The following MAOA variants were observed in gnomAD, a reference collection of about 807,000 sequenced individuals.
The protein encoded by MAOA is monoamine oxidase A.
A neutral mutation model predicts 42.0 loss-of-function variants in MAOA; 6 were observed. The observed-to-expected ratio is 0.14, with a 90% confidence interval of 0.08 to 0.28. MAOA has a LOEUF of 0.28. Ranked by LOEUF, MAOA falls within the 10% of genes least tolerant of loss-of-function variation. MAOA has a pLI of 1.00. For missense variants in MAOA, 262 were observed against 422.3 expected, an observed-to-expected ratio of 0.62 and a Z score of 3.33; for synonymous variants, 140 against 154.0, an observed-to-expected ratio of 0.91 and a Z score of 0.67.
intron 3 of MAOA, among the ~76,000 whole-genome samples, chrX:43,696,525 C>T (rs1205221872): frequency 2.7e-5 from 3 of 111,277 alleles, no homozygotes; most frequent in Non-Finnish European, 3.8e-5. Context: ...GTCAGGAGAT[C>T]GAGACCATCC....
intron 10 of MAOA, 95 bp from the exon 11 acceptor site, chrX:43,740,586 T>C (rs370058870): frequency 1.2e-4 from 90 of 730,543 alleles, no homozygotes; most frequent in Non-Finnish European, 1.6e-4. Context: ...ATCTGGTTGA[T>C]ACCAAGAGCT....
upstream of MAOA, chrX:43,656,086 G>C (rs2033176082): frequency 2.4e-6 from 1 of 408,663 alleles, no homozygotes; most frequent in Admixed American, 4.2e-5. Flanking sequence ...CTCGCCGAGT[G>C]TCAGTACAAG....
chrX:43,715,823 A>G (rs899311594), intron 5 of MAOA, among the ~76,000 whole-genome samples: 7 of 110,546 alleles, frequency 6.3e-5, no homozygotes, highest in African/African-American at 2.3e-4. Flanking sequence ...AGGGCATGTT[A>G]CTTCTCAGGG....
intron 2 of MAOA, among the ~76,000 whole-genome samples, chrX:43,692,000 GACACACACACAC>G (rs753022851): frequency 3.1e-5 from 2 of 65,011 alleles, no homozygotes; most frequent in East Asian, 4.2e-4. Context: ...GCACTGTATA[GACACACACACAC>G]ACACACACAC....
intron 1 of MAOA, among the ~76,000 whole-genome samples, chrX:43,676,500 A>G (rs1482273109): frequency 1.8e-5 from 2 of 111,538 alleles, no homozygotes; most frequent in Non-Finnish European, 3.8e-5. Context: ...AACCCAGTAC[A>G]TCAGATGGAA....
At chrX:43,728,455 GA>G (rs889910239) in intron 6 of MAOA, 141 bp downstream of exon 6, 43 of 690,475 alleles carry the variant, frequency 6.2e-5, no homozygotes, top group Non-Finnish European at 8.0e-5. Flanking sequence ...AAGATTTTCT[GA>G]AAAAAAAATT....
chrX:43,702,025 G>A (rs1252668935), intron 3 of MAOA, among the ~76,000 whole-genome samples: 1 of 112,030 alleles, frequency 8.9e-6, no homozygotes, highest in Non-Finnish European at 1.9e-5. Flanking sequence ...TTGCAAAGTA[G>A]CCTTCTAACA....
intron 5 of MAOA, among the ~76,000 whole-genome samples, chrX:43,715,409 G>A (rs2033734789): frequency 2.7e-5 from 3 of 110,977 alleles, no homozygotes; most frequent in African/African-American, 9.8e-5. Context: ...CAGGGAAGAT[G>A]GGCTTGTTTG....
intron 5 of MAOA, among the ~76,000 whole-genome samples, chrX:43,716,309 A>C (rs2033743688): frequency 9.2e-6 from 1 of 108,749 alleles, no homozygotes; most frequent in Non-Finnish European, 1.9e-5. Context: ...GGTAGATATA[A>C]AGGATGGATG....
intron 1 of MAOA, among the ~76,000 whole-genome samples, chrX:43,679,615 C>G (rs1410696060): frequency 9.0e-6 from 1 of 111,144 alleles, no homozygotes; most frequent in Non-Finnish European, 1.9e-5. Context: ...CCCCACCGCT[C>G]CATCCCCTTA....
chrX:43,693,659 C>A (rs1212997168), intron 3 of MAOA, among the ~76,000 whole-genome samples: 2 of 110,799 alleles, frequency 1.8e-5, no homozygotes, highest in Non-Finnish European at 3.8e-5. Context: ...GACCTTCCTC[C>A]CTGTCACCCT....
At chrX:43,734,399 G>A (rs2033905769) in intron 9 of MAOA, among the ~76,000 whole-genome samples, 1 of 111,051 alleles carries the variant, frequency 9.0e-6, no homozygotes. Context: ...ATTGGTTGTG[G>A]GTGCAAGTTT....
intron 12 of MAOA, among the ~76,000 whole-genome samples, chrX:43,742,259 G>A (rs2033965892): frequency 1.8e-5 from 2 of 112,562 alleles, no homozygotes; most frequent in Non-Finnish European, 3.8e-5. Context: ...GCAGAACAGT[G>A]GGGAGGATTT....
intron 9 of MAOA, among the ~76,000 whole-genome samples, chrX:43,734,132 C>CTTTTTT (rs745875170): frequency 3.2e-5 from 2 of 62,434 alleles, no homozygotes; most frequent in Non-Finnish European, 6.6e-5. Context: ...TTTGGGCTTT[C>CTTTTTT]TTTTTTTTTT....
chrX:43,712,861 T>C (rs1844377148), intron 5 of MAOA, 65 bp downstream of exon 5: 2 of 780,679 alleles, frequency 2.6e-6, no homozygotes, highest in African/African-American at 4.1e-5. Flanking sequence ...ATATCTTGCC[T>C]TGAACTGCAG....
At chrX:43,715,739 G>A (rs137942490) in intron 5 of MAOA, among the ~76,000 whole-genome samples, 20 of 110,557 alleles carry the variant, frequency 1.8e-4, no homozygotes, top group African/African-American at 5.9e-4. Context: ...AAAGGGTGGG[G>A]ATAGTATCTT....
intron 3 of MAOA, among the ~76,000 whole-genome samples, 177 bp from the exon 4 acceptor site, chrX:43,711,695 T>C (rs1371627125): frequency 1.8e-5 from 2 of 112,099 alleles, no homozygotes; most frequent in African/African-American, 6.5e-5. Context: ...TTTTATTAAA[T>C]TGGGGCCTGT....
In MAOA at chrX:43,728,183, C is replaced by T. The variant is rs1390855194; in HGVS notation, c.514C>T (p.Arg172Trp). The change falls in exon 6 of 15, where the codon CGG (arginine) becomes TGG (tryptophan). Residue 172 changes from arginine (R) to tryptophan (W), a missense_variant. Physicochemically the swap from Arg to Trp is moderately radical, Grantham distance 101. This residue lies in a region of MAOA where 141 missense variants were observed against 195.6 expected (regional missense o/e 0.72). Transcript: ENST00000338702. ...TTGTTCTATGAACAGGACTGCTAGG[C>T]GGTTTGCTTATCTTTTTGTGAATAT... ...DKICWTKTARRFAYLFVNINV... is the reference protein window; with the variant it reads ...DKICWTKTARWFAYLFVNINV... 6 of 1,210,120 alleles carry T rather than the reference C, an allele frequency of 5.0e-6. No homozygotes were observed. The highest frequency in any genetic ancestry group is 1.8e-5 in the South Asian group (1 of 56,904).
intron 1 of MAOA, among the ~76,000 whole-genome samples, chrX:43,661,805 C>T (rs1378663868): frequency 9.0e-6 from 1 of 111,094 alleles, no homozygotes; most frequent in African/African-American, 3.3e-5. Flanking sequence ...CGTAGAAAGA[C>T]CTCTTCATGT....
Sources: allele counts gnomAD v4.1 joint callset (sites outside exome capture counted in the v4.1 genomes callset), GRCh38; gene constraint gnomAD v4.1.1; regional missense constraint gnomAD v4.1.1; transcripts MANE v1.5; gene names NCBI Gene and HGNC (gene_info 2026-07-23, HGNC 2026-07-21).